DAB1: variants seen among roughly 807,000 people sequenced by gnomAD.
DAB1 encodes DAB adaptor protein 1.
In DAB1, 15 loss-of-function variants were observed where a neutral mutation model predicts 64.6. That is an observed-to-expected ratio of 0.23 (90% CI 0.16 to 0.36). The LOEUF (loss-of-function observed/expected upper bound fraction) is 0.36, where lower values mean the gene tolerates loss of function less well. Ranked by LOEUF, DAB1 falls within the 10% of genes least tolerant of loss-of-function variation. The pLI is 1.00. For missense variants in DAB1, 596 were observed against 706.7 expected, an observed-to-expected ratio of 0.84 and a Z score of 1.78; for synonymous variants, 235 against 251.9, an observed-to-expected ratio of 0.93 and a Z score of 0.64.
At chr1:57,058,853 G>T (rs1650100071) in intron 9 of DAB1, among the ~76,000 whole-genome samples, 1 of 152,232 alleles carries the variant, frequency 6.6e-6, no homozygotes, top group Non-Finnish European at 1.5e-5. Context: ...CAGGCACTAT[G>T]CTAGGTGCTG....
chr1:58,449,330 C>T (rs889245637), intron 3 of DAB1, among the ~76,000 whole-genome samples: 7 of 152,190 alleles, frequency 4.6e-5, no homozygotes, highest in African/African-American at 1.4e-4. Flanking sequence ...TCAGACGCAG[C>T]TGCAAAGTCA....
intron 3 of DAB1, among the ~76,000 whole-genome samples, chr1:58,424,575 T>A (rs758842361): frequency 2.0e-5 from 3 of 152,202 alleles, no homozygotes; most frequent in Non-Finnish European, 4.4e-5. Context: ...TGTTTAAATA[T>A]CTTTCGAGGA....
At chr1:58,373,183 T>TTTA (rs1311139533) in intron 3 of DAB1, among the ~76,000 whole-genome samples, 34 of 150,778 alleles carry the variant, frequency 2.3e-4, no homozygotes, top group Non-Finnish European at 4.0e-4. Context: ...TTTTTTTTTT[T>TTTA]AATTATACTT....
At chr1:58,417,097 A>G (rs982694708) in intron 3 of DAB1, among the ~76,000 whole-genome samples, 5 of 152,210 alleles carry the variant, frequency 3.3e-5, no homozygotes, top group African/African-American at 1.2e-4. Flanking sequence ...ATGTATTGGA[A>G]AGCACTTAGT....
intron 5 of DAB1, among the ~76,000 whole-genome samples, chr1:58,050,149 G>A (rs146351565): frequency 6.6e-6 from 1 of 152,140 alleles, no homozygotes; most frequent in Non-Finnish European, 1.5e-5. Context: ...AGAGAACATA[G>A]ATCAGTTGAG....
intron 1 of DAB1, among the ~76,000 whole-genome samples, chr1:57,332,958 T>A (rs890095679): frequency 6.6e-6 from 1 of 152,246 alleles, no homozygotes; most frequent in African/African-American, 2.4e-5. Context: ...GTCTACTTGC[T>A]GTCTTATCTG....
intron 5 of DAB1, among the ~76,000 whole-genome samples, chr1:57,999,706 G>A (rs572742630): frequency 6.6e-6 from 1 of 152,234 alleles, no homozygotes; most frequent in South Asian, 2.1e-4. Flanking sequence ...CCAGGACAAA[G>A]AATTTTCCAG....
intron 2 of DAB1, among the ~76,000 whole-genome samples, chr1:58,526,856 G>C (rs1343164083): frequency 6.6e-6 from 1 of 152,070 alleles, no homozygotes; most frequent in Non-Finnish European, 1.5e-5. Context: ...GCTTTCCAGA[G>C]GGACAAATGT....
At position 57,292,362 on chromosome 1, in the gene DAB1, C is replaced by T. The variant is rs61767389; in HGVS notation, c.-136-1196G>A. Among the ~76,000 whole-genome samples the T allele has an allele frequency of 8.2e-3, 1,246 of 152,188 alleles. 32 individuals carry two copies. Among genetic ancestry groups the T allele is most frequent in the East Asian group, 0.08 (415 of 5,176 alleles). On this transcript the variant is annotated intron_variant, in intron 1 of 14. Transcript: ENST00000371236. ...TTTTGTTTTATTTATATATAAGCTA[C>T]CTATTTTTTAAAAAGGAAATGGCCC...
chr1:57,127,130 C>T (rs989076366), intron 4 of DAB1, among the ~76,000 whole-genome samples: 2 of 152,082 alleles, frequency 1.3e-5, no homozygotes, highest in African/African-American at 4.8e-5. Flanking sequence ...ATTAAATAAC[C>T]ACGGCACAGT....
intron 6 of DAB1, among the ~76,000 whole-genome samples, chr1:57,663,321 T>C (rs146362088): frequency 5.9e-5 from 9 of 152,212 alleles, no homozygotes; most frequent in African/African-American, 7.2e-5. Context: ...TCCTCCAACA[T>C]TGGAGATTAC....
At chr1:57,816,146 G>A (rs1055597545) in intron 6 of DAB1, among the ~76,000 whole-genome samples, 1 of 152,200 alleles carries the variant, frequency 6.6e-6, no homozygotes, top group Non-Finnish European at 1.5e-5. Context: ...TCCATAAACA[G>A]TGAGAAGTCC....
chr1:58,342,131 G>A (rs1387862519), intron 4 of DAB1, among the ~76,000 whole-genome samples: 3 of 152,168 alleles, frequency 2.0e-5, no homozygotes, highest in Admixed American at 6.5e-5. Context: ...ATTTAATTCC[G>A]AAATGCCAAG....
At chr1:57,400,993 T>TAAAAA (rs11462115) in intron 1 of DAB1, among the ~76,000 whole-genome samples, 4 of 137,878 alleles carry the variant, frequency 2.9e-5, no homozygotes, top group Admixed American at 7.4e-5. Context: ...AGCTCTCTCT[T>TAAAAA]AAAAAAAAAA....
intron 6 of DAB1, among the ~76,000 whole-genome samples, chr1:57,765,933 T>C (rs1331080697): frequency 6.6e-6 from 1 of 151,996 alleles, no homozygotes. Context: ...GCCCGGCCAG[T>C]ACTCCTTCTT....
At chr1:57,909,547 T>G (rs1644609350) in intron 5 of DAB1, among the ~76,000 whole-genome samples, 1 of 152,184 alleles carries the variant, frequency 6.6e-6, no homozygotes, top group African/African-American at 2.4e-5. Context: ...TTGTATCATC[T>G]AGTTAGAGAA....
intron 7 of DAB1, among the ~76,000 whole-genome samples, chr1:57,441,387 C>T (rs1462730390): frequency 6.8e-6 from 1 of 146,716 alleles, no homozygotes; most frequent in Non-Finnish European, 1.5e-5. Flanking sequence ...AGGCAGGGTT[C>T]TCACTTTGGA....
intron 1 of DAB1, among the ~76,000 whole-genome samples, chr1:57,297,942 GTC>G (rs946754023): frequency 6.6e-6 from 1 of 152,074 alleles, no homozygotes; most frequent in African/African-American, 2.4e-5. Context: ...ACGGAACAGG[GTC>G]CTTTCTTCCT....
chr1:57,631,370 T>C, intron 7 of DAB1, among the ~76,000 whole-genome samples: 1 of 152,222 alleles, frequency 6.6e-6, no homozygotes, highest in East Asian at 1.9e-4. Context: ...TGCATAAAAA[T>C]ATATTTGCAA....
Sources: gnomAD v4.1 joint callset for allele counts (sites outside exome capture counted in the v4.1 genomes callset) on GRCh38, gnomAD v4.1.1 for gene constraint, MANE v1.5 for transcripts, NCBI Gene and HGNC (gene_info 2026-07-23, HGNC 2026-07-21) for gene names.